Variants in PRKCH observed in about 807,000 individuals in gnomAD.
PRKCH encodes protein kinase C eta, also known as protein kinase C eta type.
Under a neutral mutation model 82.5 loss-of-function variants are expected in PRKCH, and 28 were observed. That is an observed-to-expected ratio of 0.34 (90% CI 0.25 to 0.47). The LOEUF (loss-of-function observed/expected upper bound fraction) is 0.47. Ranked by LOEUF, PRKCH falls within the 20% of genes least tolerant of loss-of-function variation. The pLI is 1.00. For synonymous variants in PRKCH, 322 were observed against 327.4 expected (o/e 0.98, Z 0.18); for missense variants, 705 against 881.8 (o/e 0.80, Z 2.54).
chr14:61,496,949 T>C (rs2139942086), intron 10 of PRKCH, among the ~76,000 whole-genome samples: 1 of 151,914 alleles, frequency 6.6e-6, no homozygotes, highest in South Asian at 2.1e-4. Context: ...ATTGTCTTAT[T>C]CTGGCCCAAA....
intron 1 of PRKCH, among the ~76,000 whole-genome samples, chr14:61,195,087 T>C (rs10467813): frequency 1 from 152,276 of 152,362 alleles, 76,097 homozygotes; most frequent in Non-Finnish European, 1. Flanking sequence ...GCATATTTAC[T>C]TTTTCCATTT....
At chr14:61,458,567 A>G (rs1884884533) in intron 9 of PRKCH, among the ~76,000 whole-genome samples, 1 of 152,188 alleles carries the variant, frequency 6.6e-6, no homozygotes. Context: ...ACTTGGGTCA[A>G]CTGCCCTGTA....
chr14:61,210,044 C>T (rs2044557433), intron 1 of PRKCH, among the ~76,000 whole-genome samples: 1 of 148,532 alleles, frequency 6.7e-6, no homozygotes, highest in Non-Finnish European at 1.5e-5. Flanking sequence ...CAAGACCAGC[C>T]TGGCCAACAC....
chr14:61,266,983 C>A lies in PRKCH; in HGVS notation c.-19+79315C>A, dbSNP rs79510485. ...GGTTGAAGGGAGTCTTCAACCACGC[C>A]AAGTCTAAATAGACTGGGAGGCTTT... On this transcript the variant is annotated intron_variant, in intron 1 of 3. Transcript: ENST00000555185. Among the ~76,000 whole-genome samples, 1,446 of 152,088 alleles carry A rather than the reference C, an allele frequency of 9.5e-3. 29 individuals are homozygous for A. The highest frequency in any genetic ancestry group is 0.033 in the African/African-American group (1,361 of 41,486).
At chr14:61,315,388 G>T (rs1049049479) in intron 1 of PRKCH, among the ~76,000 whole-genome samples, 1 of 152,030 alleles carries the variant, frequency 6.6e-6, no homozygotes, top group African/African-American at 2.4e-5. Flanking sequence ...TTCACTTAAC[G>T]CTTCAACTCT....
upstream of PRKCH, among the ~76,000 whole-genome samples, chr14:61,319,451 C>A (rs539456478): frequency 1.2e-4 from 18 of 152,270 alleles, no homozygotes; most frequent in Non-Finnish European, 2.9e-5. Context: ...GCTCTGTCAC[C>A]ATTGCCAATC....
At chr14:61,477,665 A>T (rs1269643124) in intron 9 of PRKCH, among the ~76,000 whole-genome samples, 1 of 152,264 alleles carries the variant, frequency 6.6e-6, no homozygotes, top group Non-Finnish European at 1.5e-5. Context: ...TAGAAAACTT[A>T]TCAGAACTGA....
intron 10 of PRKCH, among the ~76,000 whole-genome samples, chr14:61,505,405 T>C (rs1408343372): frequency 1.6e-5 from 2 of 123,852 alleles, no homozygotes; most frequent in East Asian, 2.3e-4. Flanking sequence ...CTTTTTTTTT[T>C]TTTTTTTTTT....
intron 1 of PRKCH, among the ~76,000 whole-genome samples, chr14:61,365,532 G>A (rs771915715): frequency 3.9e-5 from 6 of 152,014 alleles, no homozygotes; most frequent in Non-Finnish European, 5.9e-5. Flanking sequence ...GTAAGAGAAT[G>A]GATTATTAGC....
At chr14:61,420,070 C>T (rs1882756099) in intron 2 of PRKCH, among the ~76,000 whole-genome samples, 1 of 152,188 alleles carries the variant, frequency 6.6e-6, no homozygotes, top group Admixed American at 6.5e-5. Context: ...TGGGCCAGCA[C>T]CTGCAGCCTC....
chr14:61,290,163 G>A (rs1477973388), intron 1 of PRKCH, among the ~76,000 whole-genome samples: 3 of 152,000 alleles, frequency 2.0e-5, no homozygotes, highest in African/African-American at 4.8e-5. Context: ...GTGGTTGCGG[G>A]CACATGTAGT....
At chr14:61,198,005 GT>G (rs1693370826) in intron 1 of PRKCH, among the ~76,000 whole-genome samples, 2 of 151,958 alleles carry the variant, frequency 1.3e-5, no homozygotes, top group Admixed American at 1.3e-4. Context: ...ATCCCGTGAG[GT>G]TTAAAGTAAT....
chr14:61,311,030 G>C (rs1375085891), intron 1 of PRKCH, among the ~76,000 whole-genome samples: 1 of 152,224 alleles, frequency 6.6e-6, no homozygotes, highest in East Asian at 1.9e-4. Context: ...ATGTTCCAAG[G>C]CTGCACAGAG....
Position 61,485,533 on chromosome 14 carries a change from A to T in PRKCH, c.1310A>T (p.Asn437Ile). Residue 437 changes from asparagine (N) to isoleucine (I), a missense_variant, in exon 10 of 14, where the codon AAT becomes ATT. Transcript: ENST00000332981. ...DRLFFVMEFV[N>I]GGDLMFHIQK... ...CTGTTTTTTGTGATGGAGTTTGTGA[A>T]TGGGGGTGACTTGATGTTCCACATT... 6.2e-7 allele frequency: 1 copy of T among 1,614,064 alleles called. No individual in the cohort carries two copies. The highest frequency in any genetic ancestry group is 8.5e-7 in the Non-Finnish European group (1 of 1,179,998).
chr14:61,406,217 A>C (rs1881940817), intron 2 of PRKCH, among the ~76,000 whole-genome samples: 2 of 151,984 alleles, frequency 1.3e-5, no homozygotes, highest in South Asian at 4.1e-4. Context: ...TGTACAGGGG[A>C]GTGTATTGCT....
At chr14:61,237,769 A>G (rs1388586185) in intron 1 of PRKCH, among the ~76,000 whole-genome samples, 1 of 152,130 alleles carries the variant, frequency 6.6e-6, no homozygotes, top group Non-Finnish European at 1.5e-5. Flanking sequence ...GTATTGATTG[A>G]TGTCTTAGTG....
chr14:61,493,721 TG>T (rs1377602266), intron 10 of PRKCH, among the ~76,000 whole-genome samples: 1 of 151,316 alleles, frequency 6.6e-6, no homozygotes, highest in Non-Finnish European at 1.5e-5. Flanking sequence ...TACGTGCGGG[TG>T]GGGGGCATGG....
chr14:61,289,225 AG>A (rs2045340682), intron 1 of PRKCH, among the ~76,000 whole-genome samples: 1 of 152,256 alleles, frequency 6.6e-6, no homozygotes, highest in Middle Eastern at 3.2e-3. Context: ...GTGTAAAGGA[AG>A]GGGACCAGCA....
chr14:61,476,728 T>G (rs1885744157), intron 9 of PRKCH, among the ~76,000 whole-genome samples: 1 of 152,206 alleles, frequency 6.6e-6, no homozygotes, highest in Admixed American at 6.5e-5. Context: ...CTTTGTTATA[T>G]TCAGGACATA....
Sources: gnomAD v4.1 joint callset for allele counts (sites outside exome capture counted in the v4.1 genomes callset) on GRCh38, gnomAD v4.1.1 for gene constraint, MANE v1.5 for transcripts, NCBI Gene and HGNC (gene_info 2026-07-23, HGNC 2026-07-21) for gene names.